The following KIAA1671 variants were observed in gnomAD, a reference collection of about 807,000 sequenced individuals.
KIAA1671 encodes uncharacterized protein KIAA1671.
Under a neutral mutation model 131.2 loss-of-function variants are expected in KIAA1671, and 52 were observed. The ratio of observed to expected loss-of-function variants is 0.40; its 90% CI spans 0.32 to 0.50. The LOEUF is 0.50. Among genes scored for constraint, KIAA1671 ranks in the 20% least tolerant of loss-of-function variants. KIAA1671 has a pLI of 0.73. For missense variants in KIAA1671, 2,360 were observed against 2,364.2 expected (o/e 1.00, Z 0.04); for synonymous variants, 1,003 against 961.6 (o/e 1.04, Z -0.80).
rs565395558 is a variant in KIAA1671, at chr22:25,033,225, A to T, written c.1629+529A>T. On this transcript the variant is annotated intron_variant, in intron 4 of 12. Coordinates refer to ENST00000358431, the MANE Select transcript of KIAA1671 (RefSeq NM_001145206.2). ...ACATAGTGAGACTCTTATCTCTAAA[A>T]GAAAAAAAAAATTTTTTTTAATTAG... 1.5e-4 allele frequency among the ~76,000 whole-genome samples: 23 copies of T among 152,104 alleles called. No homozygotes were observed. In the South Asian group the frequency reaches 4.8e-3, roughly 32 times the overall value.
At chr22:25,149,991 C>T (rs543409592) in intron 6 of KIAA1671, among the ~76,000 whole-genome samples, 32 of 152,202 alleles carry the variant, frequency 2.1e-4, no homozygotes, top group Non-Finnish European at 4.3e-4. Flanking sequence ...TTTGCGCTTC[C>T]CGTGCCTGGT....
intron 6 of KIAA1671, among the ~76,000 whole-genome samples, chr22:25,142,532 CAG>C (rs1039331426): frequency 6.6e-6 from 1 of 152,148 alleles, no homozygotes; most frequent in Non-Finnish European, 1.5e-5. Context: ...TTTGGGTCCA[CAG>C]GGGCTGAGGT....
intron 6 of KIAA1671, chr22:25,061,857 C>T (rs544570795): frequency 1.3e-5 from 2 of 152,474 alleles, no homozygotes; most frequent in East Asian, 1.9e-4. Flanking sequence ...TGCGCATGCC[C>T]AGGCAAGACC....
chr22:25,028,458 C>T lies in KIAA1671; in HGVS notation c.459C>T (p.Gly153=), dbSNP rs2047874138. The part of the protein sequence containing the change: ...TMILFETTKS[G]PALGKAVSEG... ...TTCTCTTCGAAACCACCAAAAGCGGCCCCGCTCTGGGGAAGGCGGTTAGTG... is the reference window on the plus strand; with the variant it reads ...TTCTCTTCGAAACCACCAAAAGCGGTCCCGCTCTGGGGAAGGCGGTTAGTG... Residue 153 remains glycine (G), a synonymous_variant, in exon 3 of 13, where the codon GGC becomes GGT. Transcript: ENST00000358431. 1 of 1,550,508 alleles carries T rather than the reference C, an allele frequency of 6.4e-7. No homozygotes were observed. The highest frequency in any genetic ancestry group is 8.7e-7 in the Non-Finnish European group (1 of 1,146,566).
rs760592651 is a variant in KIAA1671 at position 25,177,519 on chromosome 22, A to G, written c.5071A>G (p.Thr1691Ala). ...TDNTWMFKDS[T>A]EEKSPRKEES... is the part of the protein sequence containing the mutation. Reference sequence around the variant, plus strand: ...CAACACGTGGATGTTCAAAGACTCAACGGGTATGCCATGACTTCTCTCCTC... The same window carrying G: ...CAACACGTGGATGTTCAAAGACTCAGCGGGTATGCCATGACTTCTCTCCTC... The change falls in exon 9 of 13, where the codon ACG (threonine) becomes GCG (alanine). Residue 1691 changes from threonine (T) to alanine (A), a missense_variant. This residue lies in a region of KIAA1671 where 1,161 missense variants were observed against 1,204.7 expected (regional missense o/e 0.96). Transcript: ENST00000358431. 6 of 1,550,418 alleles carry G rather than the reference A, an allele frequency of 3.9e-6. No individual in the cohort carries two copies. In the South Asian group the frequency reaches 4.8e-5, roughly 12 times the overall value.
chr22:25,181,844 A>AC (rs1934287844), intron 10 of KIAA1671, 21 bp downstream of exon 10: 2 of 1,549,064 alleles, frequency 1.3e-6, no homozygotes, highest in African/African-American at 1.4e-5. Context: ...TCTCACCAAG[A>AC]GTCACCTGGT....
At chr22:25,114,058 C>T (rs1931529880) in intron 6 of KIAA1671, among the ~76,000 whole-genome samples, 1 of 152,146 alleles carries the variant, frequency 6.6e-6, no homozygotes, top group Non-Finnish European at 1.5e-5. Flanking sequence ...CAGGTTGGTG[C>T]CACTGGCAGG....
chr22:25,106,617 G>A (rs965881927), intron 6 of KIAA1671, among the ~76,000 whole-genome samples: 37 of 152,290 alleles, frequency 2.4e-4, no homozygotes, highest in African/African-American at 8.7e-4. Context: ...TAGCAAGGAC[G>A]GGGTGGGTCT....
At chr22:25,083,961 C>T (rs1929551859) in intron 6 of KIAA1671, among the ~76,000 whole-genome samples, 1 of 152,262 alleles carries the variant, frequency 6.6e-6, no homozygotes, top group Non-Finnish European at 1.5e-5. Flanking sequence ...CCAGTGAAAG[C>T]CGCCTTTGTC....
rs878952610 is a variant in KIAA1671, at chr22:25,038,813, G to A, written c.1683G>A (p.Lys561=). ...DGACIPRSPW[K]PGTLRDKSRQ... ...CATGCATCCCGAGAAGCCCCTGGAA[G>A]CCTGGGACACTCCGGGATAAGTCCA... The change falls in exon 5 of 13, where the codon AAG becomes AAA. Residue 561 remains lysine, a synonymous_variant. Transcript: ENST00000358431. 57 of 1,551,618 alleles carry A rather than the reference G, an allele frequency of 3.7e-5. 2 individuals carry two copies. The South Asian group carries it at 4.8e-4, about 13-fold the overall frequency.
chr22:25,042,463 GTTTTTTTTTTT>G (rs3063202), intron 5 of KIAA1671, among the ~76,000 whole-genome samples: 3 of 104,892 alleles, frequency 2.9e-5, no homozygotes, highest in African/African-American at 1.1e-4. Context: ...GCAGTCCCTT[GTTTTTTTTTTT>G]TTTTTTTTTT....
chr22:25,005,045 G>C (rs1183421471), intron 1 of KIAA1671, among the ~76,000 whole-genome samples: 1 of 149,436 alleles, frequency 6.7e-6, no homozygotes, highest in East Asian at 2.0e-4. Context: ...GGTGGCAAAG[G>C]TTATATTAGA....
chr22:25,185,381 G>A (rs1934442144), intron 11 of KIAA1671: 1 of 430,634 alleles, frequency 2.3e-6, no homozygotes, highest in Admixed American at 3.9e-5. Flanking sequence ...TGGAACGCCA[G>A]GGCACCATTG....
chr22:25,122,711 ACG>A (rs1425640353), intron 6 of KIAA1671, among the ~76,000 whole-genome samples: 2 of 152,214 alleles, frequency 1.3e-5, no homozygotes, highest in Non-Finnish European at 2.9e-5. Flanking sequence ...GCAGTGGCTC[ACG>A]CCCATAATCC....
chr22:25,172,610 C>A (rs9612882), intron 7 of KIAA1671, among the ~76,000 whole-genome samples: 16,115 of 152,138 alleles, frequency 0.11, 925 homozygotes, highest in East Asian at 0.16. Flanking sequence ...TTTCTCAAGG[C>A]GAGGGTTTCC....
At chr22:25,131,041 G>A (rs1172459828) in intron 6 of KIAA1671, among the ~76,000 whole-genome samples, 1 of 152,194 alleles carries the variant, frequency 6.6e-6, no homozygotes, top group Admixed American at 6.5e-5. Flanking sequence ...ATGTGGTGCT[G>A]GTCACCACCC....
At position 25,040,606 on chromosome 22, in the gene KIAA1671, C is replaced by A; in HGVS notation, c.3476C>A (p.Ala1159Asp). The A allele has an allele frequency of 1.3e-6, 2 of 1,551,794 alleles. No individual in the cohort carries two copies. Among genetic ancestry groups the A allele is most frequent in the Non-Finnish European group, 1.7e-6 (2 of 1,147,018 alleles). Residue 1159 changes from alanine (A) to aspartate (D), a missense_variant, in exon 5 of 13, where the codon GCT becomes GAT. Physicochemically the swap from Ala to Asp is moderately radical, Grantham distance 126 (BLOSUM62 -2). Coordinates refer to ENST00000358431, the MANE Select transcript of KIAA1671 (RefSeq NM_001145206.2). Reference sequence around the variant, plus strand: ...AACAAGATGTCCCCCAGCGGCGGAGCTCCCCAAACCACCCCGACTCTGAGG... The same window carrying A: ...AACAAGATGTCCCCCAGCGGCGGAGATCCCCAAACCACCCCGACTCTGAGG... ...SANKMSPSGG[A>D]PQTTPTLRSR...
chr22:25,089,519 C>A (rs1011342838), intron 6 of KIAA1671, among the ~76,000 whole-genome samples: 1 of 151,966 alleles, frequency 6.6e-6, no homozygotes, highest in African/African-American at 2.4e-5. Flanking sequence ...GGTGATCCAC[C>A]CGCCTCAGCC....
At chr22:24,982,701 C>T (rs780385333) in intron 1 of KIAA1671, among the ~76,000 whole-genome samples, 1 of 152,220 alleles carries the variant, frequency 6.6e-6, no homozygotes, top group Non-Finnish European at 1.5e-5. Context: ...AGGCTTTTAT[C>T]TCCAGGGTCA....
Sources: gnomAD v4.1 joint callset for allele counts (sites outside exome capture counted in the v4.1 genomes callset) on GRCh38, gnomAD v4.1.1 for gene constraint, gnomAD v4.1.1 regional missense constraint, MANE v1.5 for transcripts, NCBI Gene and HGNC (gene_info 2026-07-23, HGNC 2026-07-21) for gene names.